PPP4R2: variants seen among roughly 807,000 people sequenced by gnomAD.
PPP4R2 encodes serine/threonine-protein phosphatase 4 regulatory subunit 2.
Under a neutral mutation model 47.2 loss-of-function variants are expected in PPP4R2, and 13 were observed. The ratio of observed to expected loss-of-function variants is 0.28; its 90% CI spans 0.18 to 0.44. The LOEUF is 0.44. Ranked by LOEUF, PPP4R2 falls within the 20% of genes least tolerant of loss-of-function variation. The pLI is 1.00. For synonymous variants in PPP4R2, 151 were observed against 163.3 expected, an observed-to-expected ratio of 0.92 and a Z score of 0.57; for missense variants, 421 against 491.2, an observed-to-expected ratio of 0.86 and a Z score of 1.35.
chr3:73,008,932 C>A (rs771071409), intron 2 of PPP4R2, among the ~76,000 whole-genome samples: 2 of 152,114 alleles, frequency 1.3e-5, no homozygotes, highest in Non-Finnish European at 2.9e-5. Flanking sequence ...CCCTTAATTT[C>A]CAGGTGTGTA....
At chr3:73,011,773 GTATTTTA>G (rs1039497469) in intron 2 of PPP4R2, among the ~76,000 whole-genome samples, 5 of 151,942 alleles carry the variant, frequency 3.3e-5, no homozygotes, top group Middle Eastern at 3.2e-3. Flanking sequence ...ACTGATACGT[GTATTTTA>G]ACTTGAAGTG....
intron 5 of PPP4R2, chr3:73,062,086 G>A (rs1702872047): frequency 6.5e-7 from 1 of 1,537,176 alleles, no homozygotes; most frequent in East Asian, 2.4e-5. Context: ...CTAATAATGG[G>A]TTATTTTCTT....
intron 2 of PPP4R2, among the ~76,000 whole-genome samples, chr3:73,042,358 T>C (rs1575871223): frequency 8.0e-6 from 1 of 125,526 alleles, no homozygotes; most frequent in Non-Finnish European, 1.6e-5. Flanking sequence ...CTGAATATAA[T>C]TTCTTTTTTT....
rs868462183 is a variant in PPP4R2 at position 73,040,471 on chromosome 3, T to A, written c.117-6715T>A. Among the ~76,000 whole-genome samples, 6 of 151,818 alleles carry A rather than the reference T, an allele frequency of 4.0e-5. No homozygotes were observed. In the South Asian group the frequency reaches 1.2e-3, roughly 31 times the overall value. On this transcript the variant is annotated intron_variant, in intron 2 of 8. Coordinates refer to ENST00000356692, the MANE Select transcript of PPP4R2 (RefSeq NM_174907.4). Reference sequence around the variant, plus strand: ...TAATCACATAACTACATAATTATTTTTAATTGTAATGAAGTAGATGTGACC... The same window carrying A: ...TAATCACATAACTACATAATTATTTATAATTGTAATGAAGTAGATGTGACC...
At position 73,067,678 on chromosome 3, in the gene PPP4R2, A is replaced by G. The variant is rs922024528; in HGVS notation, c.*1956A>G. 2.0e-5 allele frequency: 3 copies of G among 152,122 alleles called. No individual in the cohort carries two copies. Among genetic ancestry groups the G allele is most frequent in the African/African-American group, 4.8e-5 (2 of 41,456 alleles). 9.4% of individuals were successfully genotyped at this position (152,122 alleles called of 1,614,324 possible). A position where few individuals can be genotyped will look rare whatever the true frequency, so the allele number is the denominator to read the frequency against. Reference sequence around the variant, plus strand: ...ACCTAAGATCCTGTGACCTTTTGATATTTTTTATTTTAATTGTAGTGCCAT... The same window carrying G: ...ACCTAAGATCCTGTGACCTTTTGATGTTTTTTATTTTAATTGTAGTGCCAT... On this transcript the variant is annotated 3_prime_UTR_variant, in exon 9 of 9. Transcript: ENST00000356692.
intron 2 of PPP4R2, among the ~76,000 whole-genome samples, chr3:73,032,285 A>ATT (rs1702180045): frequency 6.8e-6 from 1 of 146,564 alleles, no homozygotes; most frequent in African/African-American, 2.5e-5. Flanking sequence ...CTTTAAAATT[A>ATT]TTTCTTTTTT....
At chr3:73,000,166 T>C (rs1701429870) in intron 2 of PPP4R2, among the ~76,000 whole-genome samples, 1 of 152,118 alleles carries the variant, frequency 6.6e-6, no homozygotes, top group South Asian at 2.1e-4. Context: ...TCACTTGAGC[T>C]CAGGACAAAA....
intron 2 of PPP4R2, among the ~76,000 whole-genome samples, chr3:73,018,608 C>T (rs1701898694): frequency 6.6e-6 from 1 of 152,006 alleles, no homozygotes; most frequent in Admixed American, 6.6e-5. Flanking sequence ...AAAATTTTTT[C>T]TTCACCTAGG....
chr3:73,052,590 A>T (rs1702640313), intron 3 of PPP4R2, among the ~76,000 whole-genome samples: 1 of 149,364 alleles, frequency 6.7e-6, no homozygotes, highest in Admixed American at 6.7e-5. Context: ...CATTTTGTTG[A>T]GGGATAGAGA....
intron 3 of PPP4R2, among the ~76,000 whole-genome samples, chr3:73,053,345 C>T (rs1414751971): frequency 1.3e-5 from 2 of 148,250 alleles, no homozygotes; most frequent in African/African-American, 4.9e-5. Context: ...TCCCTCCTTA[C>T]TATTCCCCAC....
Position 73,065,159 on chromosome 3 carries a change from G to A in PPP4R2, c.928+18G>A, listed in dbSNP as rs374164653. 14 of 1,575,660 alleles carry A rather than the reference G, an allele frequency of 8.9e-6. No homozygotes were observed. The highest frequency in any genetic ancestry group is 1.2e-5 in the South Asian group (1 of 84,414). On this transcript the variant is annotated intron_variant, in intron 8 of 8. Coordinates refer to ENST00000356692, the MANE Select transcript of PPP4R2 (RefSeq NM_174907.4). ...AGAAGAAGGTATTTAGAGACCATCT[G>A]TAAAAGGGTGGAGTAAGGAGATCCT...
chr3:73,007,561 GGCTCCCGGGTTCAA>G (rs1161088175), intron 2 of PPP4R2, among the ~76,000 whole-genome samples: 2 of 151,478 alleles, frequency 1.3e-5, no homozygotes, highest in African/African-American at 4.8e-5. Context: ...TTGAACCTCT[GGCTCCCGGGTTCAA>G]GCTCCCAGGT....
intron 2 of PPP4R2, among the ~76,000 whole-genome samples, chr3:73,018,749 A>G (rs181689304): frequency 6.6e-6 from 1 of 152,200 alleles, no homozygotes; most frequent in Admixed American, 6.5e-5. Flanking sequence ...TAATTGCCTC[A>G]TATGTTCTTC....
intron 5 of PPP4R2, chr3:73,062,254 G>A: frequency 1.3e-6 from 2 of 1,599,708 alleles, no homozygotes; most frequent in Non-Finnish European, 1.7e-6. Flanking sequence ...TCACAGCCCA[G>A]CAGCCCAGGA....
chr3:73,023,125 C>A (rs1464024224), intron 2 of PPP4R2, among the ~76,000 whole-genome samples: 2 of 151,580 alleles, frequency 1.3e-5, no homozygotes, highest in Non-Finnish European at 2.9e-5. Flanking sequence ...GTTAATGGAA[C>A]AATACAAAAA....
intron 2 of PPP4R2, among the ~76,000 whole-genome samples, chr3:73,001,353 C>A (rs190879236): frequency 6.6e-6 from 1 of 151,986 alleles, no homozygotes; most frequent in African/African-American, 2.4e-5. Flanking sequence ...CACTTGAGCC[C>A]AGGAGTTCGA....
At chr3:72,999,412 C>T (rs1463416063) in intron 2 of PPP4R2, among the ~76,000 whole-genome samples, 1 of 152,248 alleles carries the variant, frequency 6.6e-6, no homozygotes, top group Non-Finnish European at 1.5e-5. Flanking sequence ...AATGCTTAGA[C>T]TGCCACTATT....
intron 5 of PPP4R2, chr3:73,062,861 CTT>C (rs1253932497): frequency 7.4e-6 from 12 of 1,613,672 alleles, no homozygotes; most frequent in Non-Finnish European, 1.0e-5. Context: ...TATTTGGAGA[CTT>C]TGAATCCCCT....
intron 2 of PPP4R2, among the ~76,000 whole-genome samples, chr3:73,030,302 G>T (rs1269873941): frequency 6.6e-6 from 1 of 152,178 alleles, no homozygotes; most frequent in Non-Finnish European, 1.5e-5. Flanking sequence ...ATGATAACAG[G>T]TGGGAGTTCA....
Sources: gnomAD v4.1 joint callset for allele counts (sites outside exome capture counted in the v4.1 genomes callset) on GRCh38, gnomAD v4.1.1 for gene constraint, MANE v1.5 for transcripts, NCBI Gene and HGNC (gene_info 2026-07-23, HGNC 2026-07-21) for gene names.